The following PPP2R2C variants were observed in gnomAD, a reference collection of about 807,000 sequenced individuals.
PPP2R2C encodes the protein protein phosphatase 2 regulatory subunit Bgamma.
Under a neutral mutation model 45.3 loss-of-function variants are expected in PPP2R2C, and 10 were observed. The ratio of observed to expected loss-of-function variants is 0.22; its 90% CI spans 0.14 to 0.37. The LOEUF is 0.37. PPP2R2C is among the 10% of genes least tolerant of loss of function. The probability of loss-of-function intolerance (pLI) is 1.00; values close to 1 mark genes in which losing one functional copy is unlikely to be tolerated. For missense variants in PPP2R2C, 308 were observed against 619.7 expected, an observed-to-expected ratio of 0.50 and a Z score of 5.34; for synonymous variants, 257 against 245.4, an observed-to-expected ratio of 1.05 and a Z score of -0.44.
chr4:6,417,695 G>T (rs1430873413), intron 1 of PPP2R2C, among the ~76,000 whole-genome samples: 1 of 152,242 alleles, frequency 6.6e-6, no homozygotes. Context: ...CAGTGAGTCA[G>T]AGGTGCCTCC....
chr4:6,326,100 G>A (rs1046747098), intron 8 of PPP2R2C, among the ~76,000 whole-genome samples: 1 of 152,208 alleles, frequency 6.6e-6, no homozygotes, highest in Admixed American at 6.5e-5. Context: ...GCTGATTGGT[G>A]CAAAAAGTGG....
intron 5 of PPP2R2C, among the ~76,000 whole-genome samples, chr4:6,354,434 C>T (rs1356755518): frequency 2.6e-5 from 4 of 152,204 alleles, no homozygotes; most frequent in East Asian, 1.9e-4. Context: ...ATGTGACCAT[C>T]TGTCCCGCCC....
At chr4:6,460,310 C>A (rs1721258415) in intron 1 of PPP2R2C, among the ~76,000 whole-genome samples, 2 of 152,188 alleles carry the variant, frequency 1.3e-5, no homozygotes, top group South Asian at 4.1e-4. Context: ...AGGACACAGA[C>A]ACACACAGGA....
chr4:6,538,960 G>C (rs998844506), intron 1 of PPP2R2C, among the ~76,000 whole-genome samples: 5 of 152,164 alleles, frequency 3.3e-5, no homozygotes, highest in Non-Finnish European at 7.3e-5. Context: ...GCTCAAACCT[G>C]CTTCTGACTT....
intron 2 of PPP2R2C, chr4:6,379,929 C>G (rs1247028004): frequency 1.3e-5 from 2 of 152,216 alleles, no homozygotes; most frequent in Non-Finnish European, 2.9e-5. Context: ...TTCCGCAGGT[C>G]CTCTCTTCAC....
chr4:6,517,365 GA>G (rs1723857055), intron 2 of PPP2R2C, among the ~76,000 whole-genome samples: 1 of 152,168 alleles, frequency 6.6e-6, no homozygotes, highest in Admixed American at 6.5e-5. Flanking sequence ...CAGTAGCTAG[GA>G]GAGCCCAGGC....
rs564773700 is a variant in PPP2R2C at position 6,414,517 on chromosome 4, A to G, written c.71-33423T>C. Among the ~76,000 whole-genome samples, 124 of 152,210 alleles carry G rather than the reference A, an allele frequency of 8.1e-4. 1 individual carries two copies. In the Middle Eastern group the frequency reaches 0.017, roughly 21 times the overall value. On this transcript the variant is annotated intron_variant, in intron 1 of 8. Transcript: ENST00000382599. Reference sequence around the variant, plus strand: ...AGCCTCAAGGATGGCTACAGGCACCAACAACAACTGGTCACTCAGGACAGC... The same window carrying G: ...AGCCTCAAGGATGGCTACAGGCACCGACAACAACTGGTCACTCAGGACAGC...
chr4:6,436,977 A>G (rs999776189), intron 1 of PPP2R2C, among the ~76,000 whole-genome samples: 6 of 152,212 alleles, frequency 3.9e-5, no homozygotes, highest in Admixed American at 1.3e-4. Flanking sequence ...CCAAGTGAAC[A>G]TTTCAATATT....
intron 1 of PPP2R2C, among the ~76,000 whole-genome samples, chr4:6,410,841 TTTTA>T (rs148453274): frequency 0.73 from 101,775 of 140,140 alleles, 38,695 homozygotes; most frequent in East Asian, 0.93. Flanking sequence ...ATTCCCCCTG[TTTTA>T]TTTATTTATT....
chr4:6,459,794 C>CA (rs887735654), intron 1 of PPP2R2C, among the ~76,000 whole-genome samples: 2 of 151,436 alleles, frequency 1.3e-5, no homozygotes, highest in African/African-American at 2.4e-5. Flanking sequence ...CACACACACA[C>CA]AAAAAAACAG....
intron 1 of PPP2R2C, among the ~76,000 whole-genome samples, chr4:6,427,670 G>A (rs905800968): frequency 6.6e-6 from 1 of 152,238 alleles, no homozygotes; most frequent in Non-Finnish European, 1.5e-5. Flanking sequence ...GGACTCATCA[G>A]TATGCTCGGT....
intron 2 of PPP2R2C, among the ~76,000 whole-genome samples, chr4:6,483,157 A>AGATAGATT (rs1553903407): frequency 1.4e-5 from 2 of 143,514 alleles, no homozygotes; most frequent in Non-Finnish European, 3.0e-5. Context: ...ATTGATTGAT[A>AGATAGATT]GATAGACGAT....
intron 1 of PPP2R2C, among the ~76,000 whole-genome samples, chr4:6,455,463 C>T (rs1188231730): frequency 5.3e-5 from 8 of 152,146 alleles, no homozygotes; most frequent in Non-Finnish European, 1.0e-4. Flanking sequence ...TGTGGTCTTG[C>T]ATTGACCAAA....
chr4:6,354,453 G>T (rs908588300), intron 5 of PPP2R2C, among the ~76,000 whole-genome samples: 2 of 152,056 alleles, frequency 1.3e-5, no homozygotes, highest in African/African-American at 4.8e-5. Flanking sequence ...CCTGCAGTCG[G>T]CTCCAGGGCC....
intron 1 of PPP2R2C, among the ~76,000 whole-genome samples, chr4:6,424,914 T>C (rs35041127): frequency 0.78 from 118,491 of 152,010 alleles, 46,924 homozygotes; most frequent in Middle Eastern, 0.88. Flanking sequence ...TGCCCAGCTG[T>C]GTGGCCACAG....
At chr4:6,402,538 C>T (rs1246803450) in intron 1 of PPP2R2C, among the ~76,000 whole-genome samples, 5 of 152,212 alleles carry the variant, frequency 3.3e-5, no homozygotes, top group African/African-American at 4.8e-5. Flanking sequence ...CCCACCCTCA[C>T]GCCCTCCATT....
At chr4:6,386,230 T>C (rs1053857847) in intron 1 of PPP2R2C, among the ~76,000 whole-genome samples, 1 of 152,190 alleles carries the variant, frequency 6.6e-6, no homozygotes, top group Non-Finnish European at 1.5e-5. Context: ...CCTGGTCTCA[T>C]GGCTTTCACA....
chr4:6,350,109 G>C (rs2109231419), intron 5 of PPP2R2C: 1 of 985,418 alleles, frequency 1.0e-6, no homozygotes, highest in South Asian at 4.7e-5. Flanking sequence ...TCACTGCCTG[G>C]CTGGTTTCCC....
At chr4:6,453,604 A>G (rs1222938540) in intron 1 of PPP2R2C, among the ~76,000 whole-genome samples, 2 of 151,460 alleles carry the variant, frequency 1.3e-5, no homozygotes, top group East Asian at 3.9e-4. Flanking sequence ...CGTGGTGTGC[A>G]CCGGGTCTGG....
Sources: allele counts gnomAD v4.1 joint callset (sites outside exome capture counted in the v4.1 genomes callset), GRCh38; gene constraint gnomAD v4.1.1; transcripts MANE v1.5; gene names NCBI Gene and HGNC (gene_info 2026-07-23, HGNC 2026-07-21).